RELL1: variants seen among roughly 807,000 people sequenced by gnomAD.
The protein encoded by RELL1 is RELT like 1.
RELL1 carries 10 observed loss-of-function variants against 23.0 expected under a neutral mutation model. That is an observed-to-expected ratio of 0.43 (90% CI 0.27 to 0.74). The LOEUF is 0.74. Among genes scored for constraint, RELL1 ranks in the 30% least tolerant of loss-of-function variants. The pLI, the probability that RELL1 is intolerant of heterozygous loss-of-function variation, is 0.19. For missense variants in RELL1, 315 were observed against 364.4 expected, an observed-to-expected ratio of 0.86 and a Z score of 1.10; for synonymous variants, 146 against 146.8, an observed-to-expected ratio of 0.99 and a Z score of 0.04.
intron 6 of RELL1, among the ~76,000 whole-genome samples, chr4:37,625,116 G>C (rs1353201286): frequency 1.3e-5 from 2 of 151,894 alleles, no homozygotes; most frequent in African/African-American, 4.8e-5. Context: ...TTAAAAGTAA[G>C]GAGTTTAAAA....
At chr4:37,630,369 T>TG (rs1207468283) in intron 6 of RELL1, among the ~76,000 whole-genome samples, 11 of 89,862 alleles carry the variant, frequency 1.2e-4, no homozygotes, top group Non-Finnish European at 2.3e-4. Flanking sequence ...TTTTTTTTTT[T>TG]TTTTTTTTTT....
At chr4:37,627,799 G>A (rs1217894658) in intron 6 of RELL1, among the ~76,000 whole-genome samples, 1 of 152,100 alleles carries the variant, frequency 6.6e-6, no homozygotes, top group Non-Finnish European at 1.5e-5. Flanking sequence ...AAATTGTTTG[G>A]CTAAAAATCC....
Position 37,686,372 on chromosome 4 carries a change from C to G in RELL1, c.-85G>C, listed in dbSNP as rs895344681. On this transcript the variant is annotated 5_prime_UTR_variant, in exon 1 of 7. Transcript: ENST00000454158. ...GCCGCTCCGGAGCCGGCGGGCTGATCGAGTGGCTGGGCTGGGCCCCAGGGA... is the reference window on the plus strand; with the variant it reads ...GCCGCTCCGGAGCCGGCGGGCTGATGGAGTGGCTGGGCTGGGCCCCAGGGA... The G allele has an allele frequency of 9.9e-6, 11 of 1,112,856 alleles. No individual in the cohort carries two copies. The highest frequency in any genetic ancestry group is 3.2e-5 in the East Asian group (1 of 31,454). The allele number at this position is 1,112,856 out of a possible 1,614,324, so 68.9% of individuals were successfully genotyped here.
At chr4:37,643,882 G>C (rs975906496) in intron 3 of RELL1, among the ~76,000 whole-genome samples, 3 of 152,248 alleles carry the variant, frequency 2.0e-5, no homozygotes, top group Non-Finnish European at 4.4e-5. Flanking sequence ...AAAGGGGTGT[G>C]CAGCAACATC....
At chr4:37,644,405 A>G (rs1415743744) in intron 3 of RELL1, among the ~76,000 whole-genome samples, 1 of 151,438 alleles carries the variant, frequency 6.6e-6, no homozygotes, top group Non-Finnish European at 1.5e-5. Context: ...GGGTGGTAAC[A>G]GGGCCTACGT....
At chr4:37,603,809 T>G (rs116013243) in intron 6 of RELL1, among the ~76,000 whole-genome samples, 2,979 of 152,066 alleles carry the variant, frequency 0.02, 115 homozygotes, top group African/African-American at 0.066. Flanking sequence ...GTTGCTTTTT[T>G]TTGTTGTTGT....
chr4:37,676,357 C>G (rs57596844), intron 1 of RELL1, among the ~76,000 whole-genome samples: 1 of 151,918 alleles, frequency 6.6e-6, no homozygotes, highest in Non-Finnish European at 1.5e-5. Flanking sequence ...AAAGAAGCCA[C>G]GAAACAATTG....
At chr4:37,630,374 T>G (rs1577575371) in intron 6 of RELL1, among the ~76,000 whole-genome samples, 1 of 141,760 alleles carries the variant, frequency 7.1e-6, no homozygotes, top group South Asian at 2.4e-4. Context: ...TTTTTTTTTT[T>G]TTTTTTTTGA....
chr4:37,671,052 C>A (rs2109308862), intron 1 of RELL1, among the ~76,000 whole-genome samples: 1 of 152,256 alleles, frequency 6.6e-6, no homozygotes, highest in South Asian at 2.1e-4. Context: ...ACCGGGTGTC[C>A]CACAATTCAA....
intron 6 of RELL1, among the ~76,000 whole-genome samples, chr4:37,631,061 T>G (rs1720112313): frequency 6.6e-6 from 1 of 152,206 alleles, no homozygotes; most frequent in African/African-American, 2.4e-5. Context: ...TGCCTCGTGG[T>G]AATGCAAGCC....
chr4:37,635,498 G>A (rs763266479), intron 4 of RELL1, among the ~76,000 whole-genome samples: 6 of 152,088 alleles, frequency 3.9e-5, no homozygotes, highest in African/African-American at 9.7e-5. Flanking sequence ...ATGATGGTGC[G>A]TGCCTGTAGT....
intron 3 of RELL1, among the ~76,000 whole-genome samples, chr4:37,644,438 T>TTATATTTATTTA (rs139479970): frequency 1.5e-5 from 2 of 137,882 alleles, no homozygotes; most frequent in East Asian, 4.2e-4. Flanking sequence ...TTATTTTTAT[T>TTATATTTATTTA]TTTATTTATT....
downstream of RELL1, chr4:37,590,348 T>C (rs975861402): frequency 2.5e-6 from 4 of 1,613,482 alleles, no homozygotes; most frequent in African/African-American, 5.3e-5. Flanking sequence ...GCCTGCGGTG[T>C]CAACGGCATC....
At chr4:37,618,972 C>T (rs369926984) in intron 6 of RELL1, among the ~76,000 whole-genome samples, 1 of 152,072 alleles carries the variant, frequency 6.6e-6, no homozygotes, top group Non-Finnish European at 1.5e-5. Flanking sequence ...CTCCGCCTCC[C>T]GGGTTCAAGT....
At chr4:37,631,166 C>T (rs549516465) in intron 6 of RELL1, among the ~76,000 whole-genome samples, 1 of 152,148 alleles carries the variant, frequency 6.6e-6, no homozygotes, top group East Asian at 1.9e-4. Flanking sequence ...TCACACAGGC[C>T]AAGCCCCTGG....
At chr4:37,630,789 G>A (rs925826902) in intron 6 of RELL1, among the ~76,000 whole-genome samples, 6 of 151,974 alleles carry the variant, frequency 3.9e-5, no homozygotes, top group Non-Finnish European at 5.9e-5. Flanking sequence ...AGAAATATTC[G>A]TATTGAGGTT....
intron 6 of RELL1, among the ~76,000 whole-genome samples, chr4:37,604,822 G>GACACACACACAC (rs1719121130): frequency 2.5e-5 from 1 of 39,550 alleles, no homozygotes; most frequent in African/African-American, 6.8e-5. Context: ...CACACACACA[G>GACACACACACAC]ACACACACAT....
chr4:37,651,817 A>G (rs1720953919), intron 1 of RELL1, among the ~76,000 whole-genome samples: 1 of 152,138 alleles, frequency 6.6e-6, no homozygotes, highest in Non-Finnish European at 1.5e-5. Flanking sequence ...CGAGCCCCAC[A>G]TTGCCTCTCT....
chr4:37,608,022 A>C (rs1483807333), downstream of RELL1, among the ~76,000 whole-genome samples: 1 of 152,148 alleles, frequency 6.6e-6, no homozygotes, highest in South Asian at 2.1e-4. Flanking sequence ...GCGATTTCTG[A>C]TGTTACTATT....
Sources: gnomAD v4.1 joint callset for allele counts (sites outside exome capture counted in the v4.1 genomes callset) on GRCh38, gnomAD v4.1.1 for gene constraint, MANE v1.5 for transcripts, NCBI Gene and HGNC (gene_info 2026-07-23, HGNC 2026-07-21) for gene names.